Variants in RUNX1 observed in about 807,000 individuals in gnomAD.
RUNX1 encodes the protein runt-related transcription factor 1.
A neutral mutation model predicts 42.8 loss-of-function variants in RUNX1; 19 were observed. The ratio of observed to expected loss-of-function variants is 0.44; its 90% CI spans 0.31 to 0.65. The LOEUF is 0.65. RUNX1 is among the 30% of genes least tolerant of loss of function. The pLI, the probability that RUNX1 is intolerant of heterozygous loss-of-function variation, is 0.07. For synonymous variants in RUNX1, 271 were observed against 289.4 expected (o/e 0.94, Z 0.64); for missense variants, 528 against 672.0 (o/e 0.79, Z 2.37).
At chr21:34,903,820 T>C (rs148970162) in intron 2 of RUNX1, among the ~76,000 whole-genome samples, 1 of 152,188 alleles carries the variant, frequency 6.6e-6, no homozygotes, top group Non-Finnish European at 1.5e-5. Flanking sequence ...TGTGGGGTCA[T>C]GAAATTGCCA....
intron 2 of RUNX1, among the ~76,000 whole-genome samples, chr21:34,900,609 C>CT (rs1276085676): frequency 3.3e-4 from 50 of 152,338 alleles, no homozygotes; most frequent in African/African-American, 1.2e-3. Context: ...CCACTGACAA[C>CT]ACCACTAATG....
Position 34,790,961 on chromosome 21 carries a change from A to T in RUNX1, c.*1174T>A, listed in dbSNP as rs1157294596. On this transcript the variant is annotated 3_prime_UTR_variant, in exon 9 of 9. Transcript: ENST00000675419. Reference sequence around the variant, plus strand: ...CCTGGGCAGAAATCAAATCCTCTCCAAAGATGTAATTATTGGCACCTGCCT... The same window carrying T: ...CCTGGGCAGAAATCAAATCCTCTCCTAAGATGTAATTATTGGCACCTGCCT... 4.3e-6 allele frequency: 1 copy of T among 233,564 alleles called. No individual in the cohort carries two copies. The highest frequency in any genetic ancestry group is 8.5e-6 in the Non-Finnish European group (1 of 118,060). The allele number at this position is 233,564 out of a possible 1,614,324, so 14.5% of individuals were successfully genotyped here.
At chr21:34,839,365 G>A (rs894502794) in intron 6 of RUNX1, among the ~76,000 whole-genome samples, 7 of 151,410 alleles carry the variant, frequency 4.6e-5, no homozygotes, top group Non-Finnish European at 8.8e-5. Context: ...ACACACACTC[G>A]GGATGTACAC....
At chr21:35,016,823 C>T (rs997162389) in intron 2 of RUNX1, among the ~76,000 whole-genome samples, 1 of 152,028 alleles carries the variant, frequency 6.6e-6, no homozygotes, top group African/African-American at 2.4e-5. Flanking sequence ...CATTAGCCTA[C>T]TGAAGAGCCT....
intron 5 of RUNX1, 88 bp downstream of exon 5, chr21:34,880,469 G>T (rs2146358447): frequency 8.0e-7 from 1 of 1,247,390 alleles, no homozygotes; most frequent in Non-Finnish European, 1.2e-6. Flanking sequence ...AGTTTCTAGG[G>T]ATTCCATCAC....
intron 4 of RUNX1, among the ~76,000 whole-genome samples, chr21:34,881,845 G>T (rs924687734): frequency 5.9e-5 from 9 of 152,036 alleles, no homozygotes; most frequent in African/African-American, 2.2e-4. Context: ...TATTTTCTTG[G>T]TCTAGACATT....
In RUNX1 at chr21:34,789,929, T is replaced by C. The variant is rs966484175; in HGVS notation, c.*2206A>G. On this transcript the variant is annotated 3_prime_UTR_variant, in exon 9 of 9. Transcript: ENST00000675419. ...TTTGCAGGTCAGACATGGTAACATGTGCTGAAAAAAAACATTTACGTTTAA... is the reference window on the plus strand; with the variant it reads ...TTTGCAGGTCAGACATGGTAACATGCGCTGAAAAAAAACATTTACGTTTAA... 2.1e-5 allele frequency: 5 copies of C among 233,036 alleles called. No individual in the cohort carries two copies. Among genetic ancestry groups the C allele is most frequent in the Admixed American group, 5.6e-5 (1 of 17,752 alleles). The allele number at this position is 233,036 out of a possible 1,614,324, so 14.4% of individuals were successfully genotyped here.
intron 3 of RUNX1, chr21:34,888,201 G>A (rs1384045207): frequency 1.9e-6 from 2 of 1,066,658 alleles, no homozygotes; most frequent in African/African-American, 1.6e-5. Context: ...AGCACCCGCC[G>A]GTTAGCTGCT....
At chr21:34,887,566 T>C (rs2058016882) in intron 3 of RUNX1, 2 of 1,125,684 alleles carry the variant, frequency 1.8e-6, no homozygotes, top group Non-Finnish European at 2.2e-6. Flanking sequence ...CAGGTGAGTT[T>C]TGTCTAAAGT....
At chr21:35,024,428 C>A (rs1053601949) in intron 2 of RUNX1, among the ~76,000 whole-genome samples, 2 of 152,230 alleles carry the variant, frequency 1.3e-5, no homozygotes, top group African/African-American at 4.8e-5. Flanking sequence ...TTTGGAATCT[C>A]TCTCTCATAG....
intron 2 of RUNX1, among the ~76,000 whole-genome samples, chr21:35,039,987 C>A (rs78723623): frequency 2.4e-3 from 367 of 152,298 alleles, no homozygotes; most frequent in Non-Finnish European, 3.9e-3. Context: ...CCATTCATTA[C>A]ATGAAAGGGG....
At chr21:35,025,152 T>C (rs2059226516) in intron 2 of RUNX1, among the ~76,000 whole-genome samples, 1 of 152,212 alleles carries the variant, frequency 6.6e-6, no homozygotes, top group Non-Finnish European at 1.5e-5. Flanking sequence ...GATGTGTAAA[T>C]TCTGAAATAT....
At chr21:34,837,002 T>A (rs75421537) in intron 6 of RUNX1, among the ~76,000 whole-genome samples, 28 of 152,198 alleles carry the variant, frequency 1.8e-4, no homozygotes, top group African/African-American at 6.8e-4. Context: ...TGTTTGTTTC[T>A]TTGTTTTTTA....
chr21:34,842,781 A>G (rs762410164), intron 6 of RUNX1, among the ~76,000 whole-genome samples: 31 of 152,080 alleles, frequency 2.0e-4, no homozygotes, highest in Non-Finnish European at 3.7e-4. Context: ...AAAAACATAC[A>G]GATGCAGCTG....
At chr21:34,886,813 G>C (rs1389038365) in intron 4 of RUNX1, 30 bp downstream of exon 4, 2 of 1,611,954 alleles carry the variant, frequency 1.2e-6, no homozygotes, top group Admixed American at 3.3e-5. Context: ...GCCTCCGCCT[G>C]TCCTCCCACC....
chr21:34,835,059 A>G (rs2057124779), intron 6 of RUNX1, among the ~76,000 whole-genome samples: 1 of 152,256 alleles, frequency 6.6e-6, no homozygotes, highest in East Asian at 1.9e-4. Context: ...GGCACGTTTT[A>G]GAGGCGGCAA....
At chr21:34,859,417 C>A in intron 6 of RUNX1, 57 bp downstream of exon 6, 1 of 1,269,850 alleles carries the variant, frequency 7.9e-7, no homozygotes, top group South Asian at 1.2e-5. Context: ...CTGAGTATAC[C>A]AGCCTGGAGG....
At chr21:34,891,023 A>C (rs2058075454) in intron 3 of RUNX1, among the ~76,000 whole-genome samples, 1 of 151,980 alleles carries the variant, frequency 6.6e-6, no homozygotes, top group Non-Finnish European at 1.5e-5. Flanking sequence ...CTCCAGGGGA[A>C]ATAGCAGACT....
chr21:34,911,362 T>C (rs1337000405), intron 2 of RUNX1, among the ~76,000 whole-genome samples: 2 of 152,184 alleles, frequency 1.3e-5, no homozygotes, highest in Non-Finnish European at 2.9e-5. Flanking sequence ...ATCTCATAGA[T>C]AGCAACCCTG....
Sources: gnomAD v4.1 joint callset for allele counts (sites outside exome capture counted in the v4.1 genomes callset) on GRCh38, gnomAD v4.1.1 for gene constraint, MANE v1.5 for transcripts, NCBI Gene and HGNC (gene_info 2026-07-23, HGNC 2026-07-21) for gene names.